SEMA5A: variants seen among roughly 807,000 people sequenced by gnomAD.
SEMA5A encodes the protein semaphorin-5A.
Under a neutral mutation model 135.5 loss-of-function variants are expected in SEMA5A, and 55 were observed. That is an observed-to-expected ratio of 0.41 (90% CI 0.33 to 0.51). The LOEUF (loss-of-function observed/expected upper bound fraction) is 0.51. SEMA5A is among the 20% of genes least tolerant of loss of function. The probability of loss-of-function intolerance (pLI) is 0.37; values close to 1 mark genes in which losing one functional copy is unlikely to be tolerated. For missense variants in SEMA5A, 1,290 were observed against 1,419.9 expected (o/e 0.91, Z 1.47); for synonymous variants, 580 against 546.5 (o/e 1.06, Z -0.85).
intron 2 of SEMA5A, among the ~76,000 whole-genome samples, chr5:9,423,799 CA>C (rs1402030872): frequency 5.9e-5 from 9 of 152,320 alleles, no homozygotes; most frequent in Admixed American, 2.0e-4. Context: ...ATTTTATTAA[CA>C]GCAGGTCAAA....
chr5:9,151,328 T>C lies in SEMA5A; in HGVS notation c.1481+3160A>G, dbSNP rs193230883. On this transcript the variant is annotated intron_variant, in intron 12 of 22. Transcript: ENST00000382496. Reference sequence around the variant, plus strand: ...AATTTAGATAAGCAGTTTCCCTTTTTAAATACTTCAAGATTCATTTATAAG... The same window carrying C: ...AATTTAGATAAGCAGTTTCCCTTTTCAAATACTTCAAGATTCATTTATAAG... Among the ~76,000 whole-genome samples, 1,138 of 152,326 alleles carry C rather than the reference T, an allele frequency of 7.5e-3. 13 individuals are homozygous for C. Among genetic ancestry groups the C allele is most frequent in the African/African-American group, 0.024 (1,002 of 41,570 alleles).
intron 5 of SEMA5A, among the ~76,000 whole-genome samples, chr5:9,309,586 C>G (rs1464175777): frequency 6.6e-6 from 1 of 152,046 alleles, no homozygotes; most frequent in Non-Finnish European, 1.5e-5. Context: ...AGACGGGATA[C>G]CATAAGAGAA....
At chr5:9,216,945 T>G (rs1255015838) in intron 8 of SEMA5A, among the ~76,000 whole-genome samples, 1 of 152,196 alleles carries the variant, frequency 6.6e-6, no homozygotes, top group Non-Finnish European at 1.5e-5. Context: ...CTTGCCACTC[T>G]GTGCCCTTTA....
At chr5:9,236,321 A>G (rs1747905963) in intron 6 of SEMA5A, among the ~76,000 whole-genome samples, 1 of 152,102 alleles carries the variant, frequency 6.6e-6, no homozygotes, top group East Asian at 1.9e-4. Flanking sequence ...AAAGAAAGCC[A>G]TCTTTCCACC....
chr5:9,331,359 C>T (rs901955924), intron 4 of SEMA5A, among the ~76,000 whole-genome samples: 1 of 152,120 alleles, frequency 6.6e-6, no homozygotes, highest in Non-Finnish European at 1.5e-5. Context: ...TAAATAGAAG[C>T]CTACCGTTTA....
At chr5:9,173,039 G>A (rs181982043) in intron 11 of SEMA5A, among the ~76,000 whole-genome samples, 289 of 152,254 alleles carry the variant, frequency 1.9e-3, no homozygotes, top group Middle Eastern at 3.4e-3. Flanking sequence ...CTTATTAAAC[G>A]TGTGTTGATT....
intron 11 of SEMA5A, among the ~76,000 whole-genome samples, chr5:9,161,819 T>C (rs916866208): frequency 5.9e-5 from 9 of 152,222 alleles, no homozygotes; most frequent in African/African-American, 2.2e-4. Context: ...TCTATAAGTG[T>C]TTAAAAATCC....
chr5:9,135,136 A>C (rs1023285180), intron 13 of SEMA5A, among the ~76,000 whole-genome samples: 2 of 149,650 alleles, frequency 1.3e-5, no homozygotes, highest in African/African-American at 4.9e-5. Flanking sequence ...ATAGCCCCAG[A>C]CTTCCTTGCT....
At chr5:9,203,829 A>C (rs1389776049) in intron 8 of SEMA5A, among the ~76,000 whole-genome samples, 1 of 152,198 alleles carries the variant, frequency 6.6e-6, no homozygotes, top group African/African-American at 2.4e-5. Flanking sequence ...TTAAAAAAAA[A>C]CTTGAATTGC....
At chr5:9,341,189 AACACACACACACACATAC>A (rs1237304224) in intron 3 of SEMA5A, among the ~76,000 whole-genome samples, 1 of 148,720 alleles carries the variant, frequency 6.7e-6, no homozygotes, top group Non-Finnish European at 1.5e-5. Context: ...CACACATACA[AACACACACACACACATAC>A]ACACACACAC....
At chr5:9,442,018 T>C (rs1758256202) in intron 1 of SEMA5A, among the ~76,000 whole-genome samples, 1 of 152,022 alleles carries the variant, frequency 6.6e-6, no homozygotes. Context: ...GGGGAGAAGC[T>C]GGGGTAAAAA....
intron 9 of SEMA5A, among the ~76,000 whole-genome samples, chr5:9,198,206 A>T (rs1361496671): frequency 6.6e-6 from 1 of 152,226 alleles, no homozygotes; most frequent in Non-Finnish European, 1.5e-5. Flanking sequence ...GGAAAGGTCA[A>T]ACTCCAAAAC....
At chr5:9,383,726 G>A (rs1055727237) in intron 2 of SEMA5A, among the ~76,000 whole-genome samples, 1 of 152,136 alleles carries the variant, frequency 6.6e-6, no homozygotes, top group Non-Finnish European at 1.5e-5. Context: ...TTCTGCTACC[G>A]ATGAAGGGCA....
At chr5:9,181,325 T>C (rs2150327340) in intron 11 of SEMA5A, among the ~76,000 whole-genome samples, 1 of 152,278 alleles carries the variant, frequency 6.6e-6, no homozygotes, top group East Asian at 1.9e-4. Flanking sequence ...ACAGTCAAAA[T>C]TGCATGTGCC....
At chr5:9,066,973 C>T (rs894334761) in intron 16 of SEMA5A, among the ~76,000 whole-genome samples, 4 of 152,080 alleles carry the variant, frequency 2.6e-5, no homozygotes, top group African/African-American at 9.7e-5. Context: ...GCTAAAAGTA[C>T]CCATTATTCC....
intron 5 of SEMA5A, among the ~76,000 whole-genome samples, chr5:9,304,479 A>AACATAC (rs1477605508): frequency 1.3e-5 from 2 of 149,216 alleles, no homozygotes; most frequent in Non-Finnish European, 3.0e-5. Flanking sequence ...TTTAAAGTTA[A>AACATAC]ACATACACTC....
At chr5:9,132,656 G>T (rs374567026) in intron 13 of SEMA5A, among the ~76,000 whole-genome samples, 2 of 151,698 alleles carry the variant, frequency 1.3e-5, no homozygotes, top group South Asian at 2.1e-4. Flanking sequence ...AGTTTGACTA[G>T]AACACTAACT....
intron 11 of SEMA5A, among the ~76,000 whole-genome samples, chr5:9,176,746 C>T (rs1045640828): frequency 6.6e-5 from 10 of 152,160 alleles, no homozygotes; most frequent in African/African-American, 2.2e-4. Flanking sequence ...AGGTTGGCCC[C>T]TGACCCAAGG....
In SEMA5A at chr5:9,300,882, C is replaced by T. The variant is rs376482929; in HGVS notation, c.270+17490G>A. ...GAACTGGAAAAGGCGATGAAGCTTT[C>T]TCCCCTAGAGTCTTCAAAGGGAGTG... On this transcript the variant is annotated intron_variant, in intron 5 of 22. Transcript: ENST00000382496. 1.0e-3 allele frequency among the ~76,000 whole-genome samples: 158 copies of T among 152,308 alleles called. No homozygotes were observed. The South Asian group carries it at 0.019, about 18-fold the overall frequency.
Sources: allele counts gnomAD v4.1 joint callset (sites outside exome capture counted in the v4.1 genomes callset), GRCh38; gene constraint gnomAD v4.1.1; transcripts MANE v1.5; gene names NCBI Gene and HGNC (gene_info 2026-07-23, HGNC 2026-07-21).